The following WASL variants were observed in gnomAD, a reference collection of about 807,000 sequenced individuals.
The protein encoded by WASL is actin nucleation-promoting factor WASL.
In WASL, 20 loss-of-function variants were observed where a neutral mutation model predicts 55.5. The observed-to-expected ratio is 0.36, with a 90% CI of 0.25 to 0.52. The LOEUF is 0.52. WASL is among the 20% of genes least tolerant of loss of function. The probability of loss-of-function intolerance (pLI) is 0.92; values close to 1 mark genes in which losing one functional copy is unlikely to be tolerated. For missense variants in WASL, 504 were observed against 622.5 expected, an observed-to-expected ratio of 0.81 and a Z score of 2.03; for synonymous variants, 249 against 217.6, an observed-to-expected ratio of 1.14 and a Z score of -1.27.
intron 1 of WASL, among the ~76,000 whole-genome samples, chr7:123,727,268 A>G (rs923733654): frequency 1.3e-5 from 2 of 152,110 alleles, no homozygotes; most frequent in African/African-American, 4.8e-5. Flanking sequence ...GAACTATCTG[A>G]AAGTTTCTTA....
At chr7:123,696,540 T>A in intron 6 of WASL, 39 bp downstream of exon 6, 1 of 1,497,638 alleles carries the variant, frequency 6.7e-7, no homozygotes, top group Non-Finnish European at 8.9e-7. Context: ...AATGAATAAA[T>A]CAAAAGTGAA....
At chr7:123,725,781 A>G (rs1458405309) in intron 1 of WASL, among the ~76,000 whole-genome samples, 1 of 152,188 alleles carries the variant, frequency 6.6e-6, no homozygotes, top group Non-Finnish European at 1.5e-5. Context: ...TGCAGACCCC[A>G]TGCTGTGAAC....
At chr7:123,713,491 T>C (rs971563699) in intron 1 of WASL, among the ~76,000 whole-genome samples, 16 of 152,112 alleles carry the variant, frequency 1.1e-4, no homozygotes, top group Non-Finnish European at 4.4e-5. Context: ...ATACACTAAA[T>C]GTGGGGGGAA....
chr7:123,705,413 C>T (rs1012229639), intron 4 of WASL, among the ~76,000 whole-genome samples: 18 of 152,172 alleles, frequency 1.2e-4, no homozygotes, highest in African/African-American at 4.3e-4. Flanking sequence ...CGTGTTAAGT[C>T]TAAAGGCTAT....
chr7:123,719,423 A>G (rs1221765872), intron 1 of WASL, among the ~76,000 whole-genome samples: 2 of 152,146 alleles, frequency 1.3e-5, no homozygotes, highest in African/African-American at 2.4e-5. Context: ...GATGTTGCCT[A>G]TGGGAACTGT....
intron 1 of WASL, among the ~76,000 whole-genome samples, chr7:123,726,942 T>C (rs1343943100): frequency 6.6e-6 from 1 of 152,122 alleles, no homozygotes; most frequent in Admixed American, 6.5e-5. Context: ...CTAACAATAA[T>C]CTTGTGTCCA....
chr7:123,747,356 G>C (rs1584878372), intron 1 of WASL, among the ~76,000 whole-genome samples: 1 of 152,094 alleles, frequency 6.6e-6, no homozygotes, highest in East Asian at 1.9e-4. Context: ...TTCTAATCAG[G>C]AAACTCAATG....
chr7:123,748,865 G>C lies in WASL; in HGVS notation c.-131C>G. ...CGCCACATCTCGCAGCTCCTCCGGA[G>C]CGGGGAGGAGGACGAGGTCGAGGGA... On this transcript the variant is annotated 5_prime_UTR_variant, in exon 1 of 11. Transcript: ENST00000223023. The C allele has an allele frequency of 1.4e-6, 1 of 728,038 alleles. No homozygotes were observed. Among genetic ancestry groups the C allele is most frequent in the East Asian group, 3.2e-5 (1 of 31,656 alleles). The allele number at this position is 728,038 out of a possible 1,614,324, so 45.1% of individuals were successfully genotyped here. A position where few individuals can be genotyped will look rare whatever the true frequency, so the allele number is the denominator to read the frequency against.
intron 1 of WASL, among the ~76,000 whole-genome samples, chr7:123,721,415 AG>A (rs1803940613): frequency 6.6e-6 from 1 of 152,174 alleles, no homozygotes; most frequent in Non-Finnish European, 1.5e-5. Flanking sequence ...CATAAGGTAA[AG>A]GTAAGGGCTT....
At chr7:123,721,225 A>G (rs993957038) in intron 1 of WASL, among the ~76,000 whole-genome samples, 1 of 152,228 alleles carries the variant, frequency 6.6e-6, no homozygotes, top group African/African-American at 2.4e-5. Flanking sequence ...TTGTTATTCT[A>G]TATTCAGCAA....
In WASL at chr7:123,709,226, G is replaced by A. The variant is rs1428950274; in HGVS notation, c.118-3C>T. 7 of 1,598,318 alleles carry A rather than the reference G, an allele frequency of 4.4e-6. No individual in the cohort carries two copies. Among genetic ancestry groups the A allele is most frequent in the Non-Finnish European group, 6.0e-6 (7 of 1,172,622 alleles). On this transcript the variant is annotated splice_polypyrimidine_tract_variant and splice_region_variant and intron_variant, in intron 1 of 10. Coordinates refer to ENST00000223023, the MANE Select transcript of WASL (RefSeq NM_003941.4). ...TGCACCACTGCTGAAGACATAGTCT[G>A]CAAAATATAAAATTTATAACCATTA...
At chr7:123,732,677 G>C (rs1418666542) in intron 1 of WASL, among the ~76,000 whole-genome samples, 1 of 152,144 alleles carries the variant, frequency 6.6e-6, no homozygotes, top group Admixed American at 6.5e-5. Flanking sequence ...GGACTACTTC[G>C]TAACTATTTT....
chr7:123,737,457 G>A lies in WASL; in HGVS notation c.117+11161C>T, dbSNP rs186878233. 5.3e-4 allele frequency among the ~76,000 whole-genome samples: 81 copies of A among 152,098 alleles called. 1 individual carries two copies. Among genetic ancestry groups the A allele is most frequent in the African/African-American group, 1.2e-3 (49 of 41,496 alleles). On this transcript the variant is annotated intron_variant, in intron 1 of 10. Transcript: ENST00000223023. ...CTAAAAATACAAAAGTTAGCTGGGC[G>A]TGGTGGTGCATGCCTGTAGTTCCAG...
chr7:123,733,446 A>G (rs552308376), intron 1 of WASL, among the ~76,000 whole-genome samples: 17 of 152,312 alleles, frequency 1.1e-4, no homozygotes, highest in African/African-American at 4.1e-4. Context: ...AATCTAATAA[A>G]TAAGATCTAT....
intron 2 of WASL, among the ~76,000 whole-genome samples, chr7:123,708,384 T>A (rs1163739508): frequency 2.0e-5 from 3 of 152,148 alleles, no homozygotes; most frequent in Non-Finnish European, 4.4e-5. Flanking sequence ...CAGTTTTAGT[T>A]TTTTGTAATT....
At chr7:123,744,255 G>A (rs1804393518) in intron 1 of WASL, among the ~76,000 whole-genome samples, 1 of 152,162 alleles carries the variant, frequency 6.6e-6, no homozygotes, top group African/African-American at 2.4e-5. Context: ...CTTAATAAAT[G>A]AAGACTAAAG....
chr7:123,732,766 T>C (rs1804160872), intron 1 of WASL, among the ~76,000 whole-genome samples: 1 of 152,022 alleles, frequency 6.6e-6, no homozygotes, highest in Non-Finnish European at 1.5e-5. Flanking sequence ...CTATCTCTCA[T>C]GAACAAAGAT....
At chr7:123,706,887 AAAG>A (rs1474903180) in intron 2 of WASL, 61 bp from the exon 3 acceptor site, 90 of 1,031,760 alleles carry the variant, frequency 8.7e-5, no homozygotes, top group Non-Finnish European at 1.0e-4. Flanking sequence ...GGAATAAAAC[AAAG>A]AAGATGACTC....
In WASL at chr7:123,683,549, TAC is replaced by T; in HGVS notation, c.*968_*969del. 1 of 152,092 alleles carries T rather than the reference TAC, an allele frequency of 6.6e-6. No homozygotes were observed. Among genetic ancestry groups the T allele is most frequent in the Non-Finnish European group, 1.5e-5 (1 of 67,898 alleles). 9.4% of individuals were successfully genotyped at this position (152,092 alleles called of 1,614,324 possible). ...TAGCGCACACCTTTGCCAACTAGATTACATTTTTATGGTTGGTATTTCTGAAC... is the reference window on the plus strand; with the variant it reads ...TAGCGCACACCTTTGCCAACTAGATTATTTTTATGGTTGGTATTTCTGAAC... On this transcript the variant is annotated 3_prime_UTR_variant, in exon 11 of 11. Transcript: ENST00000223023.
Sources: allele counts gnomAD v4.1 joint callset (sites outside exome capture counted in the v4.1 genomes callset), GRCh38; gene constraint gnomAD v4.1.1; transcripts MANE v1.5; gene names NCBI Gene and HGNC (gene_info 2026-07-23, HGNC 2026-07-21).